The following SEPTIN2 variants were observed in gnomAD, a reference collection of about 807,000 sequenced individuals.
The protein encoded by SEPTIN2 is septin-2.
A neutral mutation model predicts 46.5 loss-of-function variants in SEPTIN2; 34 were observed. The observed-to-expected ratio is 0.73, with a 90% CI of 0.56 to 0.97. SEPTIN2 has a LOEUF of 0.97. Among genes scored for constraint, SEPTIN2 ranks in the 50% least tolerant of loss-of-function variants. SEPTIN2 has a pLI of 0.00. For missense variants in SEPTIN2, 347 were observed against 448.4 expected, an observed-to-expected ratio of 0.77 and a Z score of 2.04; for synonymous variants, 175 against 153.4, an observed-to-expected ratio of 1.14 and a Z score of -1.04.
chr2:241,351,456 G>A (rs1202160513), intron 12 of SEPTIN2: 1 of 152,172 alleles, frequency 6.6e-6, no homozygotes, highest in Non-Finnish European at 1.5e-5. Flanking sequence ...TAGTCCTGAG[G>A]GTATGTGCTT....
chr2:241,322,217 A>C (rs950119104), intron 1 of SEPTIN2, among the ~76,000 whole-genome samples: 13 of 152,134 alleles, frequency 8.5e-5, no homozygotes, highest in Middle Eastern at 3.2e-3. Context: ...ACCAAATTTG[A>C]CAGCAGTCAT....
intron 10 of SEPTIN2, among the ~76,000 whole-genome samples, chr2:241,346,765 A>G (rs1278495194): frequency 6.6e-6 from 1 of 151,942 alleles, no homozygotes; most frequent in Non-Finnish European, 1.5e-5. Flanking sequence ...AAAACAAACA[A>G]AAACTTTAGA....
intron 1 of SEPTIN2, among the ~76,000 whole-genome samples, chr2:241,321,230 G>A (rs890303549): frequency 3.3e-5 from 5 of 151,730 alleles, no homozygotes; most frequent in Admixed American, 2.0e-4. Context: ...GAATCTGTCC[G>A]GTTCTCAGAG....
intron 5 of SEPTIN2, chr2:241,337,129 ACTG>A: frequency 2.4e-6 from 1 of 409,842 alleles, no homozygotes; most frequent in Non-Finnish European, 4.3e-6. Context: ...CCCTGTCTAC[ACTG>A]GCCCTCTCTC....
intron 1 of SEPTIN2, 127 bp downstream of exon 1, chr2:241,316,109 G>T: frequency 5.8e-6 from 1 of 173,506 alleles, no homozygotes; most frequent in African/African-American, 2.4e-5. Context: ...CGGCGGGGCG[G>T]TGTGGGGGAG....
In SEPTIN2 at chr2:241,337,736, C is replaced by G; in HGVS notation, c.540C>G (p.Val180=). ...AIHNKVNIVP[V]IAKADTLTLK... is the part of the protein sequence containing the mutation. ...ACAACAAGGTGAATATTGTGCCTGT[C>G]ATTGCAAAAGCTGACACTCTCACCC... Residue 180 remains valine, a synonymous_variant, in exon 7 of 13, where the codon GTC becomes GTG. Coordinates refer to ENST00000391971, the MANE Select transcript of SEPTIN2 (RefSeq NM_004404.5). The G allele has an allele frequency of 6.2e-7, 1 of 1,613,972 alleles. No homozygotes were observed.
At position 241,335,127 on chromosome 2, in the gene SEPTIN2, T is replaced by C; in HGVS notation, c.132T>C (p.Gly44=). The C allele has an allele frequency of 6.2e-7, 1 of 1,609,506 alleles. No individual in the cohort carries two copies. Among genetic ancestry groups the C allele is most frequent in the Non-Finnish European group, 8.5e-7 (1 of 1,176,224 alleles). ...CAAGGTTTTTCTTTTTATTTAAAGGTGAATCAGGTCTAGGAAAATCGACTC... is the reference window on the plus strand; with the variant it reads ...CAAGGTTTTTCTTTTTATTTAAAGGCGAATCAGGTCTAGGAAAATCGACTC... ...KGFEFTLMVV[G]ESGLGKSTLI... is the part of the protein sequence containing the mutation. Residue 44 remains glycine (G), a splice_region_variant and synonymous_variant, in exon 4 of 13, where the codon GGT becomes GGC. Coordinates refer to ENST00000391971, the MANE Select transcript of SEPTIN2 (RefSeq NM_004404.5).
At chr2:241,349,588 G>C (rs533294840) in intron 11 of SEPTIN2, among the ~76,000 whole-genome samples, 1 of 151,860 alleles carries the variant, frequency 6.6e-6, no homozygotes, top group South Asian at 2.1e-4. Context: ...TTTGGGAGGC[G>C]GAGGCGGGTG....
At chr2:241,320,162 G>T in intron 1 of SEPTIN2, 1 of 466,818 alleles carries the variant, frequency 2.1e-6, no homozygotes. Flanking sequence ...TTAAAACTGT[G>T]CTGTCTTCAT....
intron 7 of SEPTIN2, among the ~76,000 whole-genome samples, chr2:241,340,045 C>T (rs1444801025): frequency 1.3e-5 from 2 of 152,158 alleles, no homozygotes; most frequent in Non-Finnish European, 2.9e-5. Flanking sequence ...CAAACGAATT[C>T]TTAGGAAATA....
At chr2:241,339,053 A>G (rs537259485) in intron 7 of SEPTIN2, among the ~76,000 whole-genome samples, 226 of 131,900 alleles carry the variant, frequency 1.7e-3, no homozygotes, top group Non-Finnish European at 2.7e-3. Context: ...ATACATTTTT[A>G]TATATTATAT....
At chr2:241,345,836 T>G (rs2060181515) in intron 9 of SEPTIN2, among the ~76,000 whole-genome samples, 1 of 152,340 alleles carries the variant, frequency 6.6e-6, no homozygotes, top group East Asian at 1.9e-4. Flanking sequence ...CAGACATTGT[T>G]GACCTGAAAA....
chr2:241,353,881 T>A lies in SEPTIN2; in HGVS notation c.*1944T>A, dbSNP rs1417893647. On this transcript the variant is annotated 3_prime_UTR_variant, in exon 13 of 13. Transcript: ENST00000391971. ...GTTTTACTACCCAAATCTAAATAGA[T>A]ACTTTTGATAATAGATAACTGCTCT... is the stretch of plus-strand genomic sequence containing the variant. The A allele has an allele frequency of 1.3e-5, 2 of 153,080 alleles. No individual in the cohort carries two copies. Among genetic ancestry groups the A allele is most frequent in the Non-Finnish European group, 2.9e-5 (2 of 68,044 alleles). The allele number at this position is 153,080 out of a possible 1,614,324, so 9.5% of individuals were successfully genotyped here. A position where few individuals can be genotyped will look rare whatever the true frequency, so the allele number is the denominator to read the frequency against.
At chr2:241,324,129 G>A (rs765491706) in intron 1 of SEPTIN2, 87 bp from the exon 2 acceptor site, 6 of 1,233,636 alleles carry the variant, frequency 4.9e-6, no homozygotes, top group Non-Finnish European at 7.0e-6. Flanking sequence ...TCTTCTTCAG[G>A]TCAGTTCACG....
intron 11 of SEPTIN2, 36 bp downstream of exon 11, chr2:241,348,227 T>G: frequency 6.3e-7 from 1 of 1,587,008 alleles, no homozygotes; most frequent in South Asian, 1.1e-5. Flanking sequence ...GTTGGTTGGT[T>G]GGTTGTTTTG....
At chr2:241,335,337 A>G in intron 4 of SEPTIN2, 125 bp downstream of exon 4, 1 of 1,553,474 alleles carries the variant, frequency 6.4e-7, no homozygotes, top group Non-Finnish European at 8.7e-7. Flanking sequence ...AACACAAGGA[A>G]AACACTTTTA....
Position 241,320,052 on chromosome 2 carries a change from T to C in SEPTIN2, c.-18+4070T>C, listed in dbSNP as rs565958196. 4.6e-5 allele frequency among the ~76,000 whole-genome samples: 7 copies of C among 152,366 alleles called. No individual in the cohort carries two copies. The East Asian group carries it at 7.7e-4, about 17-fold the overall frequency. ...CCTGGAATCTAATTGCTAGCAAATA[T>C]TGTATTCAGGATTTTTGCATTTATA... On this transcript the variant is annotated intron_variant, in intron 1 of 12. Transcript: ENST00000391971.
At chr2:241,317,967 G>A (rs1490954287) in intron 1 of SEPTIN2, among the ~76,000 whole-genome samples, 1 of 152,172 alleles carries the variant, frequency 6.6e-6, no homozygotes, top group Non-Finnish European at 1.5e-5. Flanking sequence ...CAGTGTTTAA[G>A]TTAATCACAG....
chr2:241,337,517 G>A lies in SEPTIN2; in HGVS notation c.476+1G>A. ...ACTTTATTTCACCTTTTGGACATGG[G>A]TAAGTAATTGTTTATCGTGGAGAAA... On this transcript the variant is annotated splice_donor_variant, in intron 6 of 12. Transcript: ENST00000391971. LOFTEE classifies it high-confidence loss of function. The A allele has an allele frequency of 6.2e-7, 1 of 1,613,304 alleles. No individual in the cohort carries two copies. Among genetic ancestry groups the A allele is most frequent in the Non-Finnish European group, 8.5e-7 (1 of 1,179,562 alleles).
Sources: allele counts gnomAD v4.1 joint callset (sites outside exome capture counted in the v4.1 genomes callset), GRCh38; gene constraint gnomAD v4.1.1; transcripts MANE v1.5; gene names NCBI Gene and HGNC (gene_info 2026-07-23, HGNC 2026-07-21).